Variants in NEXMIF observed in about 807,000 individuals in gnomAD.
The protein encoded by NEXMIF is neurite extension and migration factor.
A neutral mutation model predicts 62.1 loss-of-function variants in NEXMIF; 8 were observed. That is an observed-to-expected ratio of 0.13 (90% CI 0.08 to 0.23). The LOEUF is 0.23. Among genes scored for constraint, NEXMIF ranks in the 10% least tolerant of loss-of-function variants. The probability of loss-of-function intolerance (pLI) is 1.00; values close to 1 mark genes in which losing one functional copy is unlikely to be tolerated. For missense variants in NEXMIF, 976 were observed against 1,113.3 expected (o/e 0.88, Z 1.75); for synonymous variants, 404 against 416.6 (o/e 0.97, Z 0.37).
At chrX:74,891,444 A>G (rs752309776) in intron 1 of NEXMIF, among the ~76,000 whole-genome samples, 2 of 111,636 alleles carry the variant, frequency 1.8e-5, no homozygotes, top group Admixed American at 9.5e-5. Flanking sequence ...TACAATCAAT[A>G]AATAATGCCA....
chrX:74,789,411 T>A (rs1484900874), intron 1 of NEXMIF, among the ~76,000 whole-genome samples: 8 of 108,327 alleles, frequency 7.4e-5, no homozygotes, highest in Non-Finnish European at 1.3e-4. Flanking sequence ...TCTTTGCTAT[T>A]GTGAATAATG....
intron 1 of NEXMIF, among the ~76,000 whole-genome samples, chrX:74,762,131 A>G (rs866498589): frequency 8.4e-4 from 35 of 41,545 alleles, no homozygotes; most frequent in African/African-American, 3.1e-3. Context: ...CCCACCCCAC[A>G]ACAGGCCCTG....
chrX:74,868,948 AGAG>A (rs1327108125), intron 1 of NEXMIF, among the ~76,000 whole-genome samples: 2 of 111,273 alleles, frequency 1.8e-5, no homozygotes, highest in African/African-American at 6.5e-5. Flanking sequence ...TCCAATAAAT[AGAG>A]GAGAAGAAAA....
At chrX:74,873,819 A>G (rs768154270) in intron 1 of NEXMIF, among the ~76,000 whole-genome samples, 65 of 110,490 alleles carry the variant, frequency 5.9e-4, no homozygotes, top group African/African-American at 1.9e-3. Context: ...CATGTCCTTC[A>G]CCCACTTTTT....
chrX:74,826,680 T>C (rs2080418831), intron 1 of NEXMIF, among the ~76,000 whole-genome samples: 1 of 111,170 alleles, frequency 9.0e-6, no homozygotes, highest in African/African-American at 3.3e-5. Flanking sequence ...ATCCAAAAAA[T>C]TACTGCCCAG....
intron 1 of NEXMIF, among the ~76,000 whole-genome samples, chrX:74,752,683 T>A (rs1443044613): frequency 9.0e-6 from 1 of 111,502 alleles, no homozygotes; most frequent in African/African-American, 3.3e-5. Flanking sequence ...CACTATTAGG[T>A]TCAAGTCAAG....
chrX:74,836,812 A>T (rs1287285439), intron 1 of NEXMIF, among the ~76,000 whole-genome samples: 2 of 111,343 alleles, frequency 1.8e-5, no homozygotes, highest in Non-Finnish European at 3.8e-5. Flanking sequence ...TCCCTAGGTC[A>T]CGTGCCACCC....
chrX:74,913,076 C>T (rs973166315), intron 1 of NEXMIF, among the ~76,000 whole-genome samples: 1 of 111,843 alleles, frequency 8.9e-6, no homozygotes, highest in Non-Finnish European at 1.9e-5. Context: ...ATACCAATGA[C>T]CAGAAAGATC....
At chrX:74,895,408 C>A (rs2080729810) in intron 1 of NEXMIF, among the ~76,000 whole-genome samples, 1 of 111,725 alleles carries the variant, frequency 9.0e-6, no homozygotes, top group South Asian at 3.8e-4. Context: ...AGATTCAATG[C>A]AATCTCTATC....
chrX:74,786,983 G>T (rs767854782), intron 1 of NEXMIF, among the ~76,000 whole-genome samples: 2 of 109,056 alleles, frequency 1.8e-5, no homozygotes, highest in African/African-American at 6.7e-5. Context: ...GCTATGGGCC[G>T]GGCACAGTGG....
chrX:74,753,587 G>C (rs1181479954), intron 1 of NEXMIF, among the ~76,000 whole-genome samples: 2 of 111,439 alleles, frequency 1.8e-5, no homozygotes, highest in Non-Finnish European at 3.8e-5. Flanking sequence ...GAAGTGAAAA[G>C]TAGAGATAAA....
chrX:74,741,498 T>C lies in NEXMIF; in HGVS notation c.3059A>G (p.Asp1020Gly), dbSNP rs1236171193. The change falls in exon 3 of 4, where the codon GAT (aspartate) becomes GGT (glycine). Residue 1020 changes from aspartate (D) to glycine (G), a missense_variant. Physicochemically the swap from Asp to Gly is moderately conservative, Grantham distance 94 (BLOSUM62 -1). This residue lies in a region of NEXMIF where 639 missense variants were observed against 694.5 expected (regional missense o/e 0.92). Coordinates refer to ENST00000055682, the MANE Select transcript of NEXMIF (RefSeq NM_001008537.3). ...SLKSCEKDGD[D>G]DITDDFLAHC... Reference sequence around the variant, plus strand: ...GGCCAGGAAGTCATCAGTGATATCATCATCGCCATCCTTTTCACAGGACTT... The same window carrying C: ...GGCCAGGAAGTCATCAGTGATATCACCATCGCCATCCTTTTCACAGGACTT... 2.5e-6 allele frequency: 3 copies of C among 1,209,634 alleles called. No individual in the cohort carries two copies. The highest frequency in any genetic ancestry group is 3.0e-5 in the East Asian group (1 of 33,744).
chrX:74,858,090 T>C (rs1251336738), intron 1 of NEXMIF, among the ~76,000 whole-genome samples: 1 of 112,183 alleles, frequency 8.9e-6, no homozygotes, highest in Admixed American at 9.4e-5. Flanking sequence ...CTAGAGAAAC[T>C]TGCTGCCCTG....
intron 1 of NEXMIF, among the ~76,000 whole-genome samples, chrX:74,893,339 T>C (rs1464017445): frequency 8.9e-6 from 1 of 112,363 alleles, no homozygotes; most frequent in African/African-American, 3.2e-5. Flanking sequence ...CTTTGCCACC[T>C]GCTTCTTAGT....
At chrX:74,886,238 C>G (rs1483108947) in intron 1 of NEXMIF, among the ~76,000 whole-genome samples, 1 of 111,702 alleles carries the variant, frequency 9.0e-6, no homozygotes, top group African/African-American at 3.3e-5. Flanking sequence ...AAAACTGGCA[C>G]AAGACAGGGA....
intron 1 of NEXMIF, among the ~76,000 whole-genome samples, chrX:74,875,140 T>G (rs1208617671): frequency 9.0e-6 from 1 of 111,333 alleles, no homozygotes; most frequent in Non-Finnish European, 1.9e-5. Context: ...TTGTCATAGA[T>G]AGCTCTTATT....
intron 1 of NEXMIF, among the ~76,000 whole-genome samples, chrX:74,873,893 C>T (rs1049111506): frequency 9.0e-6 from 1 of 110,746 alleles, no homozygotes; most frequent in South Asian, 3.8e-4. Context: ...TGGATATTAG[C>T]CCTTTGTCAG....
intron 1 of NEXMIF, among the ~76,000 whole-genome samples, chrX:74,840,814 G>A (rs2080471505): frequency 1.8e-5 from 2 of 111,162 alleles, no homozygotes; most frequent in African/African-American, 3.3e-5. Context: ...TCACTTCTGG[G>A]CTTTCTATTC....
chrX:74,888,551 G>A (rs950181333), intron 1 of NEXMIF, among the ~76,000 whole-genome samples: 1 of 110,143 alleles, frequency 9.1e-6, no homozygotes, highest in African/African-American at 3.3e-5. Context: ...GAGGGGTGAG[G>A]GGCTAGGGGA....
Sources: allele counts gnomAD v4.1 joint callset (sites outside exome capture counted in the v4.1 genomes callset), GRCh38; gene constraint gnomAD v4.1.1; regional missense constraint gnomAD v4.1.1; transcripts MANE v1.5; gene names NCBI Gene and HGNC (gene_info 2026-07-23, HGNC 2026-07-21).